Variants in IKBKE observed in about 807,000 individuals in gnomAD.
IKBKE encodes the protein inhibitor of nuclear factor kappa-B kinase subunit epsilon.
In IKBKE, 45 loss-of-function variants were observed where a neutral mutation model predicts 92.1. The ratio of observed to expected loss-of-function variants is 0.49; its 90% CI spans 0.38 to 0.63. The LOEUF is 0.63. Ranked by LOEUF, IKBKE falls within the 20% of genes least tolerant of loss-of-function variation. The pLI is 0.00. For synonymous variants in IKBKE, 374 were observed against 380.3 expected, an observed-to-expected ratio of 0.98 and a Z score of 0.19; for missense variants, 700 against 932.8, an observed-to-expected ratio of 0.75 and a Z score of 3.25.
chr1:206,494,431 G>A (rs922713605), intron 21 of IKBKE, among the ~76,000 whole-genome samples: 5 of 151,954 alleles, frequency 3.3e-5, no homozygotes, highest in African/African-American at 1.2e-4. Context: ...TGGGGCTCCC[G>A]TCCCTCCTGC....
intron 13 of IKBKE, among the ~76,000 whole-genome samples, chr1:206,482,629 T>C (rs1665465913): frequency 6.6e-6 from 1 of 152,308 alleles, no homozygotes; most frequent in Non-Finnish European, 1.5e-5. Flanking sequence ...GCAAAAACAG[T>C]TGTGAGCAGG....
rs544160806 is a variant in IKBKE, at chr1:206,481,684, T to C, written c.1427+1151T>C. Among the ~76,000 whole-genome samples the C allele has an allele frequency of 1.2e-3, 178 of 150,094 alleles. 1 individual carries two copies. Among genetic ancestry groups the C allele is most frequent in the African/African-American group, 4.3e-3 (173 of 40,672 alleles). On this transcript the variant is annotated intron_variant, in intron 13 of 21. Coordinates refer to ENST00000581977, the MANE Select transcript of IKBKE (RefSeq NM_014002.4). ...CGGAGCAGCTAGCCCTTCCTGGACATGTGAGGGCTGATGGGATTGTTGGGT... is the reference window on the plus strand; with the variant it reads ...CGGAGCAGCTAGCCCTTCCTGGACACGTGAGGGCTGATGGGATTGTTGGGT...
At chr1:206,492,789 G>C in intron 18 of IKBKE, 3 of 646,274 alleles carry the variant, frequency 4.6e-6, no homozygotes, top group South Asian at 4.5e-5. Context: ...TGTTGTTGGT[G>C]CTCCACACTA....
chr1:206,494,693 T>C (rs1165639243), intron 21 of IKBKE, among the ~76,000 whole-genome samples: 2 of 136,544 alleles, frequency 1.5e-5, no homozygotes, highest in African/African-American at 5.5e-5. Context: ...AACCTCCATC[T>C]CCTGGGTTCA....
chr1:206,485,042 G>A lies in IKBKE; in HGVS notation c.1473G>A (p.Ala491=), dbSNP rs782786469. The A allele has an allele frequency of 1.6e-5, 26 of 1,614,014 alleles. No individual in the cohort carries two copies. In the Admixed American group the frequency reaches 1.8e-4, roughly 11 times the overall value. ...CGCCTGAGATCCAGGAACTGAAGGC[G>A]GCTGCAGAACTGAGGTCCAGGCTGC... ...AGTPEIQELK[A]AAELRSRLRT... is the part of the protein sequence containing the mutation. Residue 491 remains alanine (A), a synonymous_variant, in exon 14 of 22, where the codon GCG becomes GCA. Coordinates refer to ENST00000581977, the MANE Select transcript of IKBKE (RefSeq NM_014002.4). This position sits in a 1 kb window ranked among gnomAD's most constrained non-coding sequence, Gnocchi z 5.0.
intron 15 of IKBKE, among the ~76,000 whole-genome samples, chr1:206,486,288 G>A (rs11118134): frequency 0.014 from 2,173 of 150,978 alleles, 48 homozygotes; most frequent in African/African-American, 0.048. Context: ...ATTTGGCCCC[G>A]TCCTTTTGGA....
rs797039575 is a variant in IKBKE at position 206,494,588 on chromosome 1, C to T, written c.2117+597C>T. The stretch of plus-strand genomic sequence containing the variant: ...GAGATTTTGCATACCAGTAAAAGTT[C>T]TTTCTTTTTTTTTTTTTTTTTTTTT... On this transcript the variant is annotated intron_variant, in intron 21 of 21. Transcript: ENST00000581977. Among the ~76,000 whole-genome samples the T allele has an allele frequency of 7.1e-3, 540 of 76,086 alleles. 5 individuals carry two copies. The highest frequency in any genetic ancestry group is 0.022 in the African/African-American group (479 of 22,188). The allele number at this position is 76,086 out of a possible 152,430, so 49.9% of individuals were successfully genotyped here.
chr1:206,473,173 C>A, intron 2 of IKBKE, 23 bp from the exon 3 acceptor site: 2 of 1,416,186 alleles, frequency 1.4e-6, no homozygotes, highest in Non-Finnish European at 2.0e-6. Context: ...GAATCCTGGG[C>A]CCCCAGCATG....
intron 7 of IKBKE, among the ~76,000 whole-genome samples, chr1:206,477,216 C>G (rs1268384831): frequency 6.6e-6 from 1 of 152,110 alleles, no homozygotes; most frequent in Non-Finnish European, 1.5e-5. Context: ...TTTGTGCCAT[C>G]GGACAGGGAA....
chr1:206,485,229 C>A lies in IKBKE; in HGVS notation c.1539C>A (p.Ile513=). Residue 513 remains isoleucine, a synonymous_variant, in exon 15 of 22, where the codon ATC becomes ATA. Coordinates refer to ENST00000581977, the MANE Select transcript of IKBKE (RefSeq NM_014002.4). This position sits in a 1 kb window ranked among gnomAD's most constrained non-coding sequence, Gnocchi z 5.0. ...TCCTCTCCAGATGCTCCCAAAATATCACGGAGACCCAGGAGAGCCTGAGCA... is the reference window on the plus strand; with the variant it reads ...TCCTCTCCAGATGCTCCCAAAATATAACGGAGACCCAGGAGAGCCTGAGCA... ...AEVLSRCSQN[I]TETQESLSSL... 6.2e-7 allele frequency: 1 copy of A among 1,613,938 alleles called. No individual in the cohort carries two copies. Among genetic ancestry groups the A allele is most frequent in the Non-Finnish European group, 8.5e-7 (1 of 1,179,794 alleles).
At chr1:206,475,046 G>C (rs1664987412) in intron 5 of IKBKE, 52 bp downstream of exon 5, 2 of 1,583,910 alleles carry the variant, frequency 1.3e-6, no homozygotes, top group East Asian at 4.5e-5. Context: ...GCAGGCCTGG[G>C]ACAGATGCTG....
intron 18 of IKBKE, chr1:206,492,451 G>C: frequency 4.2e-6 from 2 of 471,352 alleles, no homozygotes; most frequent in Non-Finnish European, 8.8e-6. Flanking sequence ...ACCAATGCCT[G>C]CTTCTTCTAC....
Position 206,487,936 on chromosome 1 carries a change from T to C in IKBKE, c.1639T>C (p.Leu547=), listed in dbSNP as rs1553389202. 6.2e-7 allele frequency: 1 copy of C among 1,613,736 alleles called. No individual in the cohort carries two copies. Among genetic ancestry groups the C allele is most frequent in the Admixed American group, 1.7e-5 (1 of 59,984 alleles). The change falls in exon 16 of 22, where the codon TTG becomes CTG. Residue 547 remains leucine, a synonymous_variant. Coordinates refer to ENST00000581977, the MANE Select transcript of IKBKE (RefSeq NM_014002.4). This position sits in a 1 kb window ranked among gnomAD's most constrained non-coding sequence, Gnocchi z 5.3. The part of the protein sequence containing the change: ...DRSIQQIQCC[L]DKMNFIYKQF... The stretch of plus-strand genomic sequence containing the variant: ...CAGCATCCAGCAGATTCAGTGCTGT[T>C]TGGACAAGATGAACTTCATCTACAA...
At chr1:206,477,523 G>A (rs1665133116) in intron 7 of IKBKE, among the ~76,000 whole-genome samples, 1 of 152,036 alleles carries the variant, frequency 6.6e-6, no homozygotes, top group Admixed American at 6.5e-5. Flanking sequence ...GGGAGAGGCA[G>A]TGGACAGGGC....
chr1:206,470,918 C>T (rs1267867594), intron 1 of IKBKE, among the ~76,000 whole-genome samples: 5 of 152,230 alleles, frequency 3.3e-5, no homozygotes, highest in South Asian at 2.1e-4. Flanking sequence ...CAGCACCCAG[C>T]GCCTGCCCTC....
rs1136841 is a variant in IKBKE, at chr1:206,476,185, C to T, written c.363C>T (p.Ala121=). The change falls in exon 6 of 22, where the codon GCC becomes GCT. Residue 121 remains alanine (A), a synonymous_variant. Coordinates refer to ENST00000581977, the MANE Select transcript of IKBKE (RefSeq NM_014002.4). The surrounding 1 kb of genome is among the most constrained non-coding windows in gnomAD (Gnocchi z 5.1). ...GGCCTCCCCGTCTGTCCCCAGTGGC[C>T]GGCATGAACCACCTGCGGGAGAACG... The part of the protein sequence containing the change: ...EFLVVLRCVV[A]GMNHLRENGI... 6.2e-3 allele frequency: 10,070 copies of T among 1,613,914 alleles called. 446 individuals are homozygous for T. In the African/African-American group the frequency reaches 0.1, roughly 17 times the overall value.
chr1:206,478,815 C>G lies in IKBKE; in HGVS notation c.993-128C>G. ...CCCTTGATGACAGAGAAAACCACCC[C>G]CGTCCCTCCCTCTGCAAAACAGAGC... is the stretch of plus-strand genomic sequence containing the variant. On this transcript the variant is annotated intron_variant, in intron 9 of 21. Coordinates refer to ENST00000581977, the MANE Select transcript of IKBKE (RefSeq NM_014002.4). This position sits in a 1 kb window ranked among gnomAD's most constrained non-coding sequence, Gnocchi z 4.8. The G allele has an allele frequency of 1.3e-6, 1 of 751,096 alleles. No homozygotes were observed. Among genetic ancestry groups the G allele is most frequent in the Non-Finnish European group, 2.4e-6 (1 of 425,030 alleles). The allele number at this position is 751,096 out of a possible 1,614,324, so 46.5% of individuals were successfully genotyped here. A position where few individuals can be genotyped will look rare whatever the true frequency, so the allele number is the denominator to read the frequency against.
At chr1:206,493,220 C>A (rs781921965) in intron 19 of IKBKE, 46 bp from the exon 20 acceptor site, 3 of 1,568,796 alleles carry the variant, frequency 1.9e-6, no homozygotes, top group Non-Finnish European at 2.6e-6. Context: ...CCCAGCCACA[C>A]ATAAGCTGGC....
At chr1:206,483,880 T>A (rs575725036) in intron 13 of IKBKE, among the ~76,000 whole-genome samples, 3 of 152,146 alleles carry the variant, frequency 2.0e-5, no homozygotes, top group Non-Finnish European at 1.5e-5. Context: ...CTTGAAGTTG[T>A]TTGTCTTGTC....
Sources: allele counts gnomAD v4.1 joint callset (sites outside exome capture counted in the v4.1 genomes callset), GRCh38; gene constraint gnomAD v4.1.1; non-coding constraint Gnocchi (gnomAD v3.1); transcripts MANE v1.5; gene names NCBI Gene and HGNC (gene_info 2026-07-23, HGNC 2026-07-21).